The following ZNF467 variants were observed in gnomAD, a reference collection of about 807,000 sequenced individuals.
ZNF467 encodes the protein zinc finger protein EZI.
In ZNF467, 51 loss-of-function variants were observed where a neutral mutation model predicts 47.8. The ratio of observed to expected loss-of-function variants is 1.07; its 90% confidence interval spans 0.85 to 1.35. The LOEUF (loss-of-function observed/expected upper bound fraction) is 1.35, where lower values mean the gene tolerates loss of function less well. Ranked by LOEUF, ZNF467 falls within the 40% of genes most tolerant of loss-of-function variation. The pLI is 0.00. For missense variants in ZNF467, 992 were observed against 858.1 expected (o/e 1.16, Z -1.95); for synonymous variants, 416 against 372.9 (o/e 1.12, Z -1.33).
upstream of ZNF467, chr7:149,776,476 G>A (rs1274387816): frequency 7.5e-7 from 1 of 1,328,914 alleles, no homozygotes; most frequent in Non-Finnish European, 1.0e-6. Context: ...GCCCTGGAGT[G>A]GCCGCTCGGG....
At chr7:149,771,918 C>T (rs1012772066) in intron 1 of ZNF467, among the ~76,000 whole-genome samples, 1 of 150,366 alleles carries the variant, frequency 6.7e-6, no homozygotes, top group African/African-American at 2.4e-5. Flanking sequence ...CCCTCCGCTG[C>T]CACCGCCTCC....
upstream of ZNF467, among the ~76,000 whole-genome samples, chr7:149,773,644 G>C (rs1414724828): frequency 6.8e-6 from 1 of 146,348 alleles, no homozygotes; most frequent in Non-Finnish European, 1.5e-5. Flanking sequence ...GCGCGAACGG[G>C]TGGGGGGGTG....
At chr7:149,775,945 G>A, upstream of ZNF467, 1 of 974,866 alleles carries the variant, frequency 1.0e-6, no homozygotes, top group South Asian at 1.3e-5. Flanking sequence ...CGTGGGGCAG[G>A]AGAGAGCACC....
Position 149,765,590 on chromosome 7 carries a change from C to G in ZNF467, c.912G>C (p.Gln304His). The G allele has an allele frequency of 1.9e-6, 3 of 1,598,956 alleles. No homozygotes were observed. Among genetic ancestry groups the G allele is most frequent in the Non-Finnish European group, 2.6e-6 (3 of 1,172,956 alleles). Residue 304 changes from glutamine (Q) to histidine (H), a missense_variant, in exon 5 of 5, where the codon CAG (glutamine) becomes CAC (histidine). Gln to His is a conservative substitution (Grantham distance 24). Coordinates refer to ENST00000302017, the MANE Select transcript of ZNF467 (RefSeq NM_207336.3). ...HTGERPYQCA[Q>H]CARSFTHKQH... is the part of the protein sequence containing the mutation. ...GCTTGTGCGTGAAGCTGCGTGCGCACTGTGCGCACTGGTAGGGCCTCTCGC... is the reference window on the plus strand; with the variant it reads ...GCTTGTGCGTGAAGCTGCGTGCGCAGTGTGCGCACTGGTAGGGCCTCTCGC...
At chr7:149,766,261 T>C in intron 4 of ZNF467, 22 bp from the exon 5 acceptor site, 1 of 1,513,006 alleles carries the variant, frequency 6.6e-7, no homozygotes, top group African/African-American at 1.4e-5. Flanking sequence ...AAACAAGAAT[T>C]GTCTATTGAG....
intron 4 of ZNF467, among the ~76,000 whole-genome samples, chr7:149,766,626 A>G (rs1799232497): frequency 6.6e-6 from 1 of 152,198 alleles, no homozygotes; most frequent in Admixed American, 6.5e-5. Flanking sequence ...TCTCTGGTCC[A>G]GCAGCTCTCC....
At chr7:149,770,080 AG>A (rs375837525) in intron 3 of ZNF467, among the ~76,000 whole-genome samples, 12 of 115,062 alleles carry the variant, frequency 1.0e-4, no homozygotes, top group African/African-American at 3.4e-4. Flanking sequence ...CCCCACCTGC[AG>A]CTGTCTCGGC....
intron 2 of ZNF467, among the ~76,000 whole-genome samples, 180 bp downstream of exon 2, chr7:149,770,819 C>T (rs1182738425): frequency 1.3e-5 from 2 of 152,198 alleles, no homozygotes; most frequent in Non-Finnish European, 2.9e-5. Context: ...TGGTCTAGAG[C>T]GCAGCCTCCA....
In ZNF467 at chr7:149,764,377, T is replaced by A. The variant is rs1799070792; in HGVS notation, c.*337A>T. On this transcript the variant is annotated 3_prime_UTR_variant, in exon 5 of 5. Transcript: ENST00000302017. Reference sequence around the variant, plus strand: ...AGCCCCAGAACTTTCCGATTTTAACTTTAATGAAACTTTAAGTACATAAAT... The same window carrying A: ...AGCCCCAGAACTTTCCGATTTTAACATTAATGAAACTTTAAGTACATAAAT... 1 of 560,650 alleles carries A rather than the reference T, an allele frequency of 1.8e-6. No homozygotes were observed. The highest frequency in any genetic ancestry group is 3.1e-5 in the East Asian group (1 of 32,560). The allele number at this position is 560,650 out of a possible 1,614,324, so 34.7% of individuals were successfully genotyped here.
At position 149,766,201 on chromosome 7, in the gene ZNF467, C is replaced by T; in HGVS notation, c.301G>A (p.Glu101Lys). 6.5e-7 allele frequency: 1 copy of T among 1,535,910 alleles called. No individual in the cohort carries two copies. The highest frequency in any genetic ancestry group is 8.8e-7 in the Non-Finnish European group (1 of 1,140,278). The change falls in exon 5 of 5, where the codon GAA becomes AAA. Residue 101 changes from glutamate to lysine, a missense_variant. Transcript: ENST00000302017. ...ACCTCCTCTTCTGCCTCCTGATCTT[C>T]GTCCTCCACCTTCACCTTCCGAATC... The part of the protein sequence containing the change: ...WMIRKVKVED[E>K]DQEAEEEVEW...
At chr7:149,775,350 A>G (rs1799544534), upstream of ZNF467, among the ~76,000 whole-genome samples, 2 of 152,172 alleles carry the variant, frequency 1.3e-5, no homozygotes, top group Admixed American at 1.3e-4. Flanking sequence ...CAGCTACCCT[A>G]GAAGTGCTCC....
rs756315817 is a variant in ZNF467 at position 149,764,570 on chromosome 7, G to A, written c.*144C>T. 2.1e-6 allele frequency: 3 copies of A among 1,438,372 alleles called. No individual in the cohort carries two copies. Among genetic ancestry groups the A allele is most frequent in the Non-Finnish European group, 2.9e-6 (3 of 1,050,666 alleles). 89.1% of individuals were successfully genotyped at this position (1,438,372 alleles called of 1,614,324 possible). ...TCCGAGCTGGGTATGCTGTGCGGACGCAGACACTGCGGGAAGGAAACAGGT... is the reference window on the plus strand; with the variant it reads ...TCCGAGCTGGGTATGCTGTGCGGACACAGACACTGCGGGAAGGAAACAGGT... On this transcript the variant is annotated 3_prime_UTR_variant, in exon 5 of 5. Coordinates refer to ENST00000302017, the MANE Select transcript of ZNF467 (RefSeq NM_207336.3).
intron 4 of ZNF467, among the ~76,000 whole-genome samples, chr7:149,767,062 C>T (rs1799246812): frequency 6.6e-6 from 1 of 152,200 alleles, no homozygotes; most frequent in African/African-American, 2.4e-5. Context: ...TGCAATGGTC[C>T]AGCCTAGAGG....
At position 149,764,749 on chromosome 7, in the gene ZNF467, G is replaced by T. The variant is rs895885304; in HGVS notation, c.1753C>A (p.Pro585Thr). 13 of 1,543,996 alleles carry T rather than the reference G, an allele frequency of 8.4e-6. No homozygotes were observed. The highest frequency in any genetic ancestry group is 5.5e-5 in the African/African-American group (4 of 73,026). Residue 585 changes from proline to threonine, a missense_variant, in exon 5 of 5, where the codon CCC (proline) becomes ACC (threonine). Coordinates refer to ENST00000302017, the MANE Select transcript of ZNF467 (RefSeq NM_207336.3). The stretch of plus-strand genomic sequence containing the variant: ...AGCGGGGGCGGCGCCACCTCGGGGG[G>T]AGCGGACCAGGCTGGGGCCGCAAGG... The part of the protein sequence containing the change: ...AALAAPAWSA[P>T]PEVAPPPLFF
At position 149,765,597 on chromosome 7, in the gene ZNF467, C is replaced by A; in HGVS notation, c.905G>T (p.Cys302Phe). The change falls in exon 5 of 5, where the codon TGC (cysteine) becomes TTC (phenylalanine). Residue 302 changes from cysteine to phenylalanine, a missense_variant. Coordinates refer to ENST00000302017, the MANE Select transcript of ZNF467 (RefSeq NM_207336.3). ...CGTGAAGCTGCGTGCGCACTGTGCGCACTGGTAGGGCCTCTCGCCCGTATG... is the reference window on the plus strand; with the variant it reads ...CGTGAAGCTGCGTGCGCACTGTGCGAACTGGTAGGGCCTCTCGCCCGTATG... ...RIHTGERPYQCAQCARSFTHK... is the reference protein window; with the variant it reads ...RIHTGERPYQFAQCARSFTHK... 6.2e-7 allele frequency: 1 copy of A among 1,601,410 alleles called. No individual in the cohort carries two copies. Among genetic ancestry groups the A allele is most frequent in the Non-Finnish European group, 8.5e-7 (1 of 1,174,188 alleles).
At chr7:149,772,956 C>T (rs1799473876) in intron 1 of ZNF467, among the ~76,000 whole-genome samples, 152 bp downstream of exon 1, 1 of 144,980 alleles carries the variant, frequency 6.9e-6, no homozygotes, top group African/African-American at 2.6e-5. Flanking sequence ...CCCCAGCCCC[C>T]GACCTCCCCG....
At position 149,765,840 on chromosome 7, in the gene ZNF467, C is replaced by T; in HGVS notation, c.662G>A (p.Cys221Tyr). 2.5e-6 allele frequency: 4 copies of T among 1,608,104 alleles called. No homozygotes were observed. The highest frequency in any genetic ancestry group is 2.2e-5 in the South Asian group (2 of 90,366). Residue 221 changes from cysteine to tyrosine, a missense_variant, in exon 5 of 5, where the codon TGC becomes TAC. Transcript: ENST00000302017. ...RGERPFPCSECDKRFSKKAHL... is the reference protein window; with the variant it reads ...RGERPFPCSEYDKRFSKKAHL... Reference sequence around the variant, plus strand: ...GGCCTTCTTGCTGAAGCGCTTGTCGCACTCGGAGCACGGGAAAGGCCGCTC... The same window carrying T: ...GGCCTTCTTGCTGAAGCGCTTGTCGTACTCGGAGCACGGGAAAGGCCGCTC...
Position 149,764,779 on chromosome 7 carries a change from C to T in ZNF467, c.1723G>A (p.Ala575Thr), listed in dbSNP as rs371275436. The part of the protein sequence containing the change: ...HGEAAHAAPD[A>T]ALAAPAWSAP... ...GACCAGGCTGGGGCCGCAAGGGCGG[C>T]GTCCGGGGCCGCGTGGGCGGCTTCG... Residue 575 changes from alanine to threonine, a missense_variant, in exon 5 of 5, where the codon GCC (alanine) becomes ACC (threonine). Transcript: ENST00000302017. 15 of 1,520,830 alleles carry T rather than the reference C, an allele frequency of 9.9e-6. No homozygotes were observed. The highest frequency in any genetic ancestry group is 4.4e-5 in the Admixed American group (2 of 45,822). The allele number at this position is 1,520,830 out of a possible 1,614,324, so 94.2% of individuals were successfully genotyped here. A position where few individuals can be genotyped will look rare whatever the true frequency, so the allele number is the denominator to read the frequency against.
chr7:149,770,589 G>A (rs372458507), intron 2 of ZNF467, 33 bp from the exon 3 acceptor site: 6 of 1,571,022 alleles, frequency 3.8e-6, no homozygotes, highest in Non-Finnish European at 5.2e-6. Flanking sequence ...TCCAAGTAAA[G>A]CATCCAGTAC....
Sources: allele counts gnomAD v4.1 joint callset (sites outside exome capture counted in the v4.1 genomes callset), GRCh38; gene constraint gnomAD v4.1.1; transcripts MANE v1.5; gene names NCBI Gene and HGNC (gene_info 2026-07-23, HGNC 2026-07-21).